Variants in EZR observed in about 807,000 individuals in gnomAD.
The protein encoded by EZR is ezrin.
In EZR, 40 loss-of-function variants were observed where a neutral mutation model predicts 74.8. That is an observed-to-expected ratio of 0.53 (90% confidence interval 0.42 to 0.70). The LOEUF is 0.70. EZR is among the 30% of genes least tolerant of loss of function. EZR has a pLI of 0.00. For synonymous variants in EZR, 341 were observed against 283.3 expected (o/e 1.20, Z -2.05); for missense variants, 678 against 755.8 (o/e 0.90, Z 1.21).
intron 2 of EZR, among the ~76,000 whole-genome samples, chr6:158,798,632 T>TC (rs1487080764): frequency 6.7e-6 from 1 of 149,710 alleles, no homozygotes; most frequent in Non-Finnish European, 1.5e-5. Flanking sequence ...CTTTTTTTTT[T>TC]TTTTTTTTTT....
chr6:158,777,228 C>T (rs3127203), intron 7 of EZR, among the ~76,000 whole-genome samples: 78,393 of 151,784 alleles, frequency 0.52, 21,238 homozygotes, highest in Non-Finnish European at 0.61. Context: ...CCAAGAGAAA[C>T]GGACAGAGGC....
intron 2 of EZR, among the ~76,000 whole-genome samples, chr6:158,790,400 C>G (rs1791707216): frequency 6.6e-6 from 1 of 152,236 alleles, no homozygotes. Context: ...CTGTCGGGCG[C>G]ATTGGCTCAC....
chr6:158,779,729 A>G (rs1791377908), intron 7 of EZR, among the ~76,000 whole-genome samples: 1 of 152,002 alleles, frequency 6.6e-6, no homozygotes, highest in Non-Finnish European at 1.5e-5. Flanking sequence ...ACGCCCAGCT[A>G]ATTTTTTGTA....
chr6:158,812,781 G>A (rs191682370), intron 2 of EZR, among the ~76,000 whole-genome samples: 24 of 152,106 alleles, frequency 1.6e-4, no homozygotes, highest in Admixed American at 2.6e-4. Context: ...TTACCTCAGC[G>A]ATGGCACCAC....
At chr6:158,791,649 G>C (rs895657202) in intron 2 of EZR, among the ~76,000 whole-genome samples, 3 of 150,018 alleles carry the variant, frequency 2.0e-5, no homozygotes, top group South Asian at 2.1e-4. Context: ...GAAGGCCACT[G>C]TCTGGTTAGG....
chr6:158,796,503 A>C (rs1193132533), intron 2 of EZR, among the ~76,000 whole-genome samples: 1 of 152,162 alleles, frequency 6.6e-6, no homozygotes, highest in Non-Finnish European at 1.5e-5. Flanking sequence ...GAGACCATTT[A>C]ATCTGTGAGC....
intron 3 of EZR, 132 bp from the exon 4 acceptor site, chr6:158,787,335 G>A: frequency 3.4e-6 from 2 of 587,088 alleles, no homozygotes; most frequent in South Asian, 2.3e-5. Context: ...TCCAACCACT[G>A]GGCAACATCT....
intron 12 of EZR, 46 bp downstream of exon 12, chr6:158,769,280 C>G: frequency 6.4e-7 from 1 of 1,569,112 alleles, no homozygotes; most frequent in South Asian, 1.1e-5. Context: ...GGCAATTGGG[C>G]AACAGGTGCT....
intron 2 of EZR, among the ~76,000 whole-genome samples, chr6:158,799,761 G>A (rs1456617431): frequency 6.6e-6 from 1 of 152,206 alleles, no homozygotes; most frequent in Non-Finnish European, 1.5e-5. Context: ...GTCAAGGCAG[G>A]CAAAGCAGAA....
chr6:158,778,260 G>A (rs889120850), intron 7 of EZR, among the ~76,000 whole-genome samples: 4 of 152,156 alleles, frequency 2.6e-5, no homozygotes, highest in Admixed American at 1.3e-4. Context: ...TCCCCTCTCC[G>A]GCTCCTGTCT....
At chr6:158,798,291 A>T (rs567768866) in intron 2 of EZR, among the ~76,000 whole-genome samples, 1 of 152,380 alleles carries the variant, frequency 6.6e-6, no homozygotes, top group South Asian at 2.1e-4. Context: ...GCTGAAAAAC[A>T]ATGGCATTCA....
rs111263014 is a variant in EZR at position 158,781,709 on chromosome 6, C to T, written c.698+1811G>A. Among the ~76,000 whole-genome samples, 6 of 151,708 alleles carry T rather than the reference C, an allele frequency of 4.0e-5. 1 individual carries two copies. The highest frequency in any genetic ancestry group is 1.5e-4 in the African/African-American group (6 of 41,256). On this transcript the variant is annotated intron_variant, in intron 7 of 13. Coordinates refer to ENST00000367075, the MANE Select transcript of EZR (RefSeq NM_001111077.2). Reference sequence around the variant, plus strand: ...GCTGTCTTAATAGCCACGGCTTCAGCTCTAGGGTCTCCCGGAAAGATGGTG... The same window carrying T: ...GCTGTCTTAATAGCCACGGCTTCAGTTCTAGGGTCTCCCGGAAAGATGGTG...
Position 158,803,606 on chromosome 6 carries a change from CATATATATATATATATATACAT to C in EZR, c.13-14257_13-14236del, listed in dbSNP as rs1777258585. On this transcript the variant is annotated intron_variant, in intron 2 of 13. Coordinates refer to ENST00000367075, the MANE Select transcript of EZR (RefSeq NM_001111077.2). ...ACATATATATATATATATATATATA[CATATATATATATATATATACAT>C]ATACATACATATATATATATATATA... is the stretch of plus-strand genomic sequence containing the variant. Among the ~76,000 whole-genome samples the C allele has an allele frequency of 1.4e-4, 5 of 36,048 alleles. No individual in the cohort carries two copies. The East Asian group carries it at 3.8e-3, about 27-fold the overall frequency. The allele number at this position is 36,048 out of a possible 152,430, so 23.6% of individuals were successfully genotyped here. A position where few individuals can be genotyped will look rare whatever the true frequency, so the allele number is the denominator to read the frequency against.
At chr6:158,801,435 G>A (rs777435520) in intron 2 of EZR, among the ~76,000 whole-genome samples, 1 of 152,194 alleles carries the variant, frequency 6.6e-6, no homozygotes, top group Non-Finnish European at 1.5e-5. Context: ...AAAATGTTCA[G>A]ATGCCAAAGG....
chr6:158,789,960 C>T (rs971446775), intron 2 of EZR, among the ~76,000 whole-genome samples: 9 of 152,156 alleles, frequency 5.9e-5, no homozygotes, highest in Admixed American at 5.9e-4. Context: ...ATACTTTAAC[C>T]TATTTTTCCA....
At chr6:158,789,431 C>T (rs765391711) in intron 2 of EZR, 60 bp from the exon 3 acceptor site, 1 of 1,437,652 alleles carries the variant, frequency 7.0e-7, no homozygotes, top group South Asian at 1.1e-5. Context: ...CTAATAACCT[C>T]CTGCACCTTC....
chr6:158,776,441 C>T lies in EZR; in HGVS notation c.762G>A (p.Lys254=). 3 of 1,613,776 alleles carry T rather than the reference C, an allele frequency of 1.9e-6. No homozygotes were observed. Among genetic ancestry groups the T allele is most frequent in the South Asian group, 1.1e-5 (1 of 91,002 alleles). ...EIRNISFNDK[K]FVIKPIDKKA... ...TCTTGTCGATGGGTTTAATGACAAA[C>T]TTTTTGTCATTGAAAGAGATGTTCC... Residue 254 remains lysine (K), a synonymous_variant, in exon 8 of 14, where the codon AAG becomes AAA. Transcript: ENST00000367075.
At chr6:158,767,230 C>T in intron 13 of EZR, 31 bp downstream of exon 13, 11 of 1,596,150 alleles carry the variant, frequency 6.9e-6, no homozygotes, top group South Asian at 2.2e-5. Context: ...GCGAGGCAGG[C>T]TCCCTGGAGA....
intron 3 of EZR, chr6:158,788,518 G>A (rs1791643310): frequency 6.6e-6 from 1 of 152,116 alleles, no homozygotes; most frequent in African/African-American, 2.4e-5. Context: ...GTGGTAGCAT[G>A]TGCCTGTAAT....
Sources: gnomAD v4.1 joint callset for allele counts (sites outside exome capture counted in the v4.1 genomes callset) on GRCh38, gnomAD v4.1.1 for gene constraint, MANE v1.5 for transcripts, NCBI Gene and HGNC (gene_info 2026-07-23, HGNC 2026-07-21) for gene names.